The following EML5 variants were observed in gnomAD, a reference collection of about 807,000 sequenced individuals.
EML5 encodes the protein EMAP like 5, also known as echinoderm microtubule-associated protein-like 5.
Under a neutral mutation model 250.0 loss-of-function variants are expected in EML5, and 120 were observed. The observed-to-expected ratio is 0.48, with a 90% CI of 0.41 to 0.56. EML5 has a LOEUF of 0.56. EML5 is among the 20% of genes least tolerant of loss of function. EML5 has a pLI of 0.00. For synonymous variants in EML5, 771 were observed against 806.5 expected (o/e 0.96, Z 0.75); for missense variants, 2,006 against 2,437.6 (o/e 0.82, Z 3.73).
chr14:88,657,294 T>C, intron 27 of EML5, 82 bp downstream of exon 27: 3 of 1,350,524 alleles, frequency 2.2e-6, no homozygotes, highest in Non-Finnish European at 3.0e-6. Context: ...ACTTAGTTTG[T>C]GTAAAAAAGC....
At chr14:88,745,047 G>A (rs868048598) in intron 3 of EML5, among the ~76,000 whole-genome samples, 21 of 151,870 alleles carry the variant, frequency 1.4e-4, no homozygotes, top group Middle Eastern at 3.4e-3. Flanking sequence ...TTTTGTAACG[G>A]GTCTATTTAT....
intron 21 of EML5, among the ~76,000 whole-genome samples, chr14:88,675,529 C>A (rs1205009426): frequency 6.6e-6 from 1 of 152,194 alleles, no homozygotes; most frequent in African/African-American, 2.4e-5. Context: ...TGGCCTGGCC[C>A]ACAAAACCAT....
chr14:88,713,082 C>A (rs74752397), intron 9 of EML5, among the ~76,000 whole-genome samples: 1 of 151,938 alleles, frequency 6.6e-6, no homozygotes. Context: ...ATTCCCTAAG[C>A]GTCACAACAA....
rs2087577861 is a variant in EML5, at chr14:88,616,156, T to A, written c.5883A>T (p.Gly1961=). Residue 1961 remains glycine, a synonymous_variant, in exon 43 of 44, where the codon GGA becomes GGT. Coordinates refer to ENST00000554922, the MANE Select transcript of EML5 (RefSeq NM_183387.3). The stretch of plus-strand genomic sequence containing the variant: ...AAGTTACTAACCTGCAGTCATCACC[T>A]CCAGCACTAACAACATGTCGATCAC... The part of the protein sequence containing the change: ...TSGDRHVVSA[G]GDDCSLFVWK... 1.2e-6 allele frequency: 2 copies of A among 1,613,868 alleles called. No homozygotes were observed. The highest frequency in any genetic ancestry group is 1.7e-6 in the Non-Finnish European group (2 of 1,179,784).
At chr14:88,626,656 T>A (rs866672558) in intron 35 of EML5, 182 bp downstream of exon 35, 2 of 671,528 alleles carry the variant, frequency 3.0e-6, no homozygotes, top group South Asian at 4.1e-5. Flanking sequence ...TCATTAACAT[T>A]CTTTTCACTC....
At chr14:88,749,201 T>C (rs1015544971) in intron 2 of EML5, among the ~76,000 whole-genome samples, 12 of 152,210 alleles carry the variant, frequency 7.9e-5, no homozygotes, top group Middle Eastern at 3.4e-3. Flanking sequence ...AAAGGACAAC[T>C]GCTGTATGGA....
rs2093313681 is a variant in EML5 at position 88,706,125 on chromosome 14, T to G, written c.1825+134A>C. On this transcript the variant is annotated intron_variant, in intron 11 of 43. Coordinates refer to ENST00000554922, the MANE Select transcript of EML5 (RefSeq NM_183387.3). ...AAACATATAGAACTAATATTTTAAC[T>G]TGAAATTTCTACTAATAACAAACTA... 5.0e-5 allele frequency: 41 copies of G among 819,442 alleles called. No individual in the cohort carries two copies. In the South Asian group the frequency reaches 8.7e-4, roughly 17 times the overall value. The allele number at this position is 819,442 out of a possible 1,614,324, so 50.8% of individuals were successfully genotyped here.
intron 1 of EML5, among the ~76,000 whole-genome samples, chr14:88,759,881 T>A (rs769896364): frequency 6.6e-6 from 1 of 152,128 alleles, no homozygotes; most frequent in Non-Finnish European, 1.5e-5. Flanking sequence ...ACCAGCAATG[T>A]AAGAAAGTTC....
intron 1 of EML5, among the ~76,000 whole-genome samples, chr14:88,761,867 C>G (rs888421989): frequency 1.4e-4 from 21 of 152,156 alleles, no homozygotes; most frequent in African/African-American, 5.1e-4. Context: ...TGTTTCCTGG[C>G]TTTTTAATGA....
intron 26 of EML5, 39 bp from the exon 27 acceptor site, chr14:88,657,541 C>T: frequency 2.6e-6 from 4 of 1,545,556 alleles, no homozygotes; most frequent in Non-Finnish European, 3.5e-6. Context: ...TAAGCAATAA[C>T]TGAGATCAAT....
intron 43 of EML5, 84 bp from the exon 44 acceptor site, chr14:88,615,938 A>G: frequency 6.8e-7 from 1 of 1,467,416 alleles, no homozygotes; most frequent in Non-Finnish European, 9.3e-7. Flanking sequence ...TTGTGCTTTC[A>G]GGTTACATGT....
chr14:88,681,284 T>C (rs1006937304), intron 21 of EML5, among the ~76,000 whole-genome samples: 13 of 152,178 alleles, frequency 8.5e-5, no homozygotes, highest in African/African-American at 3.1e-4. Context: ...CAAGGACTAA[T>C]AGTGTAGAAT....
At chr14:88,664,417 C>T in intron 23 of EML5, 76 bp downstream of exon 23, 2 of 1,255,700 alleles carry the variant, frequency 1.6e-6, no homozygotes, top group Non-Finnish European at 2.1e-6. Flanking sequence ...TGTTGAATCA[C>T]TTTTCCGTTT....
At chr14:88,696,421 A>G (rs771955962) in intron 15 of EML5, among the ~76,000 whole-genome samples, 33 of 152,080 alleles carry the variant, frequency 2.2e-4, no homozygotes, top group Non-Finnish European at 4.3e-4. Flanking sequence ...TCACTGTATA[A>G]ATATGTCTAA....
intron 1 of EML5, among the ~76,000 whole-genome samples, chr14:88,788,363 TAAAG>T (rs2140874925): frequency 6.6e-6 from 1 of 152,206 alleles, no homozygotes; most frequent in East Asian, 1.9e-4. Context: ...TTACCACAAA[TAAAG>T]AAAATAGCTT....
At position 88,708,402 on chromosome 14, in the gene EML5, T is replaced by G. The variant is rs1336391391; in HGVS notation, c.1658-1976A>C. ...CTTGTTAACTCCTCCAATAAAACTATAAGCTCTTTAAAGACAGCAGTGGTG... is the reference window on the plus strand; with the variant it reads ...CTTGTTAACTCCTCCAATAAAACTAGAAGCTCTTTAAAGACAGCAGTGGTG... On this transcript the variant is annotated intron_variant, in intron 10 of 43. Coordinates refer to ENST00000554922, the MANE Select transcript of EML5 (RefSeq NM_183387.3). Among the ~76,000 whole-genome samples, 3 of 152,264 alleles carry G rather than the reference T, an allele frequency of 2.0e-5. No homozygotes were observed. The South Asian group carries it at 6.2e-4, about 32-fold the overall frequency.
intron 15 of EML5, 71 bp downstream of exon 15, chr14:88,696,776 G>T: frequency 9.4e-7 from 1 of 1,063,176 alleles, no homozygotes; most frequent in South Asian, 1.7e-5. Flanking sequence ...AGGTAACACT[G>T]ACTTAGATTA....
intron 18 of EML5, 116 bp from the exon 19 acceptor site, chr14:88,687,443 G>A (rs1294223717): frequency 2.6e-5 from 18 of 689,770 alleles, no homozygotes; most frequent in Admixed American, 1.3e-4. Context: ...GTTACAGCTT[G>A]TAAAGAACAG....
chr14:88,626,691 T>G (rs149662277), intron 35 of EML5, 147 bp downstream of exon 35: 441 of 815,266 alleles, frequency 5.4e-4, no homozygotes, highest in South Asian at 7.2e-4. Flanking sequence ...GAACTAGATT[T>G]TTGAAAGATG....
Sources: gnomAD v4.1 joint callset for allele counts (sites outside exome capture counted in the v4.1 genomes callset) on GRCh38, gnomAD v4.1.1 for gene constraint, MANE v1.5 for transcripts, NCBI Gene and HGNC (gene_info 2026-07-23, HGNC 2026-07-21) for gene names.